KLHL14: variants seen among roughly 807,000 people sequenced by gnomAD.
The protein encoded by KLHL14 is kelch like family member 14.
Under a neutral mutation model 64.3 loss-of-function variants are expected in KLHL14, and 22 were observed. The observed-to-expected ratio is 0.34, with a 90% confidence interval of 0.24 to 0.49. The LOEUF (loss-of-function observed/expected upper bound fraction) is 0.49. KLHL14 is among the 20% of genes least tolerant of loss of function. The pLI, the probability that KLHL14 is intolerant of heterozygous loss-of-function variation, is 0.99. For synonymous variants in KLHL14, 322 were observed against 333.4 expected (o/e 0.97, Z 0.37); for missense variants, 661 against 789.0 (o/e 0.84, Z 1.94).
In KLHL14 at chr18:32,772,699, CTT is replaced by C. The variant is rs1169449179; in HGVS notation, c.-78_-77del. 6.5e-6 allele frequency: 1 copy of C among 152,694 alleles called. No homozygotes were observed. Among genetic ancestry groups the C allele is most frequent in the Non-Finnish European group, 1.5e-5 (1 of 68,524 alleles). 9.5% of individuals were successfully genotyped at this position (152,694 alleles called of 1,614,324 possible). On this transcript the variant is annotated 5_prime_UTR_variant, in exon 1 of 9. Coordinates refer to ENST00000359358, the MANE Select transcript of KLHL14 (RefSeq NM_020805.3). ...CAACCAGCTGCAAAGTCAAGGCTCA[CTT>C]AAGCTCCCCCCAAAAATCAATTGTC... is the stretch of plus-strand genomic sequence containing the variant.
chr18:32,696,100 C>A (rs1233140095), intron 3 of KLHL14, among the ~76,000 whole-genome samples: 1 of 152,170 alleles, frequency 6.6e-6, no homozygotes. Flanking sequence ...TGATTTAATG[C>A]CTCCTCCAAA....
At chr18:32,716,851 A>G (rs995911248) in intron 3 of KLHL14, among the ~76,000 whole-genome samples, 2 of 152,148 alleles carry the variant, frequency 1.3e-5, no homozygotes, top group African/African-American at 4.8e-5. Flanking sequence ...TGACTTTTGT[A>G]GATATAAGCC....
intron 5 of KLHL14, among the ~76,000 whole-genome samples, chr18:32,681,791 C>G (rs2049840214): frequency 6.6e-6 from 1 of 152,092 alleles, no homozygotes; most frequent in Admixed American, 6.6e-5. Context: ...TGGAGATTTT[C>G]CAGGTTGTGT....
chr18:32,725,372 A>G (rs554694741), intron 3 of KLHL14, among the ~76,000 whole-genome samples: 1 of 152,288 alleles, frequency 6.6e-6, no homozygotes, highest in African/African-American at 2.4e-5. Context: ...ATATGGAGTA[A>G]TCAAATAGGC....
intron 3 of KLHL14, among the ~76,000 whole-genome samples, chr18:32,716,545 G>C (rs1347673536): frequency 2.6e-5 from 4 of 152,104 alleles, no homozygotes; most frequent in Non-Finnish European, 4.4e-5. Flanking sequence ...CTCCTGAGTA[G>C]CTGGGATTGT....
Position 32,695,476 on chromosome 18 carries a change from C to T in KLHL14, c.1146G>A (p.Gln382=), listed in dbSNP as rs2049932079. ...TTCAATAGTTACCATTCGGATTCCACTGGTCCTCTCCACCCAACACGAACA... is the reference window on the plus strand; with the variant it reads ...TTCAATAGTTACCATTCGGATTCCATTGGTCCTCTCCACCCAACACGAACA... ...NFLFVLGGED[Q]WNPNGKHSTN... is the part of the protein sequence containing the mutation. Residue 382 remains glutamine, a synonymous_variant, in exon 4 of 9, where the codon CAG becomes CAA. Coordinates refer to ENST00000359358, the MANE Select transcript of KLHL14 (RefSeq NM_020805.3). 3.1e-6 allele frequency: 5 copies of T among 1,610,280 alleles called. No individual in the cohort carries two copies. The highest frequency in any genetic ancestry group is 2.5e-6 in the Non-Finnish European group (3 of 1,176,696).
At position 32,769,827 on chromosome 18, in the gene KLHL14, C is replaced by G. The variant is rs2144199091; in HGVS notation, c.765G>C (p.Gln255His). The change falls in exon 2 of 9, where the codon CAG (glutamine) becomes CAC (histidine). Residue 255 changes from glutamine (Q) to histidine (H), a missense_variant. Gln to His is a conservative substitution (Grantham distance 24). Transcript: ENST00000359358. ...WLEHDRETRM[Q>H]YAPDLMKRLR... ...GGCGCTTCATGAGGTCAGGCGCATA[C>G]TGCATGCGGGTCTCGCGGTCGTGCT... 1 of 1,613,750 alleles carries G rather than the reference C, an allele frequency of 6.2e-7. No homozygotes were observed. The highest frequency in any genetic ancestry group is 2.2e-5 in the East Asian group (1 of 44,862).
rs1173110336 is a variant in KLHL14, at chr18:32,680,621, G to A, written c.1239-22C>T. The A allele has an allele frequency of 6.3e-7, 1 of 1,582,094 alleles. No individual in the cohort carries two copies. The highest frequency in any genetic ancestry group is 1.1e-5 in the South Asian group (1 of 88,210). On this transcript the variant is annotated intron_variant, in intron 5 of 8. Transcript: ENST00000359358. This position sits in a 1 kb window ranked among gnomAD's most constrained non-coding sequence, Gnocchi z 4.8. ...TCTTCTACAATGAAAAGAACCCACA[G>A]TAAATCACAAGAGGAGCTGTGAAAT...
At chr18:32,763,370 T>C (rs2050324458) in intron 2 of KLHL14, among the ~76,000 whole-genome samples, 1 of 152,160 alleles carries the variant, frequency 6.6e-6, no homozygotes, top group African/African-American at 2.4e-5. Flanking sequence ...GAACTTTTAA[T>C]GACTTTTGTG....
At chr18:32,677,383 A>C (rs918303690) in intron 7 of KLHL14, 53 bp from the exon 8 acceptor site, 9 of 1,510,960 alleles carry the variant, frequency 6.0e-6, no homozygotes, top group Admixed American at 2.0e-5. Flanking sequence ...CAGGGTCCCA[A>C]TTTAAGGCTA....
chr18:32,700,070 A>T (rs184463217), intron 3 of KLHL14, among the ~76,000 whole-genome samples: 1 of 152,210 alleles, frequency 6.6e-6, no homozygotes, highest in African/African-American at 2.4e-5. Flanking sequence ...TGTACTAGAG[A>T]TCCACACTAC....
chr18:32,739,199 A>G (rs1028046713), intron 3 of KLHL14, among the ~76,000 whole-genome samples: 1 of 152,102 alleles, frequency 6.6e-6, no homozygotes, highest in Non-Finnish European at 1.5e-5. Flanking sequence ...CACCTCCATG[A>G]CAAACTAGTT....
intron 4 of KLHL14, among the ~76,000 whole-genome samples, chr18:32,689,120 T>G (rs1048098403): frequency 6.6e-6 from 1 of 152,172 alleles, no homozygotes. Context: ...AGAGAAGTTA[T>G]GAGCTCTGTT....
intron 4 of KLHL14, among the ~76,000 whole-genome samples, chr18:32,688,839 T>C (rs1183142414): frequency 6.6e-6 from 1 of 152,122 alleles, no homozygotes; most frequent in African/African-American, 2.4e-5. Flanking sequence ...AGGGCCACTG[T>C]GGAAGAGGGG....
rs8086485 is a variant in KLHL14 at position 32,683,302 on chromosome 18, T to C, written c.1239-2703A>G. On this transcript the variant is annotated intron_variant, in intron 5 of 8. Coordinates refer to ENST00000359358, the MANE Select transcript of KLHL14 (RefSeq NM_020805.3). This position sits in a 1 kb window ranked among gnomAD's most constrained non-coding sequence, Gnocchi z 4.2. Reference sequence around the variant, plus strand: ...AAAATCAGCAGATTTCACTTCCTGATGACAAGTGCATTTTTAGGTAGAAAT... The same window carrying C: ...AAAATCAGCAGATTTCACTTCCTGACGACAAGTGCATTTTTAGGTAGAAAT... 0.033 allele frequency among the ~76,000 whole-genome samples: 4,959 copies of C among 152,268 alleles called. 273 individuals carry two copies. The highest frequency in any genetic ancestry group is 0.11 in the African/African-American group (4,628 of 41,532).
intron 3 of KLHL14, among the ~76,000 whole-genome samples, chr18:32,709,321 C>T (rs917376128): frequency 6.6e-6 from 1 of 152,176 alleles, no homozygotes; most frequent in Non-Finnish European, 1.5e-5. Context: ...TGGTTCACTC[C>T]ATCATTTAAG....
At chr18:32,714,036 T>C (rs989056580) in intron 3 of KLHL14, among the ~76,000 whole-genome samples, 4 of 139,230 alleles carry the variant, frequency 2.9e-5, no homozygotes, top group African/African-American at 1.3e-4. Context: ...CTAATATTTG[T>C]TGATGAAAAT....
chr18:32,744,505 G>A (rs547508945), intron 2 of KLHL14: 6 of 151,470 alleles, frequency 4.0e-5, no homozygotes, highest in African/African-American at 1.5e-4. Context: ...TTAGCTAGGT[G>A]TGGTGGCACA....
chr18:32,675,049 T>C (rs2049804539), intron 8 of KLHL14, among the ~76,000 whole-genome samples: 1 of 152,126 alleles, frequency 6.6e-6, no homozygotes, highest in South Asian at 2.1e-4. Flanking sequence ...TAGAGGATCC[T>C]AGATGCTCAA....
Sources: gnomAD v4.1 joint callset for allele counts (sites outside exome capture counted in the v4.1 genomes callset) on GRCh38, gnomAD v4.1.1 for gene constraint, Gnocchi (gnomAD v3.1) non-coding constraint, MANE v1.5 for transcripts, NCBI Gene and HGNC (gene_info 2026-07-23, HGNC 2026-07-21) for gene names.